AGMO: variants seen among roughly 807,000 people sequenced by gnomAD.
The protein encoded by AGMO is alkylglycerol monooxygenase, also known as glyceryl-ether monooxygenase.
A neutral mutation model predicts 60.2 loss-of-function variants in AGMO; 75 were observed. The observed-to-expected ratio is 1.25, with a 90% CI of 1.03 to 1.51. The LOEUF (loss-of-function observed/expected upper bound fraction) is 1.51, where lower values mean the gene tolerates loss of function less well. Ranked by LOEUF, AGMO falls within the 40% of genes most tolerant of loss-of-function variation. The pLI is 0.00. For synonymous variants in AGMO, 261 were observed against 177.1 expected, an observed-to-expected ratio of 1.47 and a Z score of -3.76; for missense variants, 763 against 525.5, an observed-to-expected ratio of 1.45 and a Z score of -4.42.
At chr7:15,405,993 G>C (rs865974489) in intron 5 of AGMO, among the ~76,000 whole-genome samples, 7 of 151,828 alleles carry the variant, frequency 4.6e-5, no homozygotes, top group Admixed American at 1.3e-4. Flanking sequence ...TTGTGTCTAA[G>C]AGCTTAAATT....
At chr7:15,188,302 G>A in the AGMO span, among the ~76,000 whole-genome samples, 2 of 152,178 alleles carry the variant, frequency 1.3e-5, no homozygotes, top group African/African-American at 4.8e-5. Context: ...GCCAAGAAAA[G>A]AGTATATTAC....
intron 12 of AGMO, among the ~76,000 whole-genome samples, chr7:15,342,295 G>C (rs188160878): frequency 3.3e-5 from 5 of 151,586 alleles, no homozygotes; most frequent in Non-Finnish European, 5.9e-5. Context: ...AGTAAAACCT[G>C]CAAGTGTGCA....
At chr7:15,419,084 T>C (rs28526445) in intron 4 of AGMO, among the ~76,000 whole-genome samples, 10,553 of 151,852 alleles carry the variant, frequency 0.069, 524 homozygotes, top group African/African-American at 0.14. Flanking sequence ...GAAATTATAA[T>C]AAAATAAATT....
At chr7:15,392,597 G>T (rs1308960938) in intron 6 of AGMO, among the ~76,000 whole-genome samples, 2 of 152,070 alleles carry the variant, frequency 1.3e-5, no homozygotes, top group African/African-American at 2.4e-5. Flanking sequence ...TCAGGAGTTT[G>T]AAACCAGCCT....
At chr7:15,474,475 G>A (rs761127654) in intron 3 of AGMO, among the ~76,000 whole-genome samples, 76 of 152,004 alleles carry the variant, frequency 5.0e-4, no homozygotes, top group Non-Finnish European at 8.2e-4. Context: ...AACTGGTGTC[G>A]GAAAAACTGG....
At chr7:15,239,364 G>C (rs1202755766) in intron 12 of AGMO, among the ~76,000 whole-genome samples, 1 of 152,132 alleles carries the variant, frequency 6.6e-6, no homozygotes, top group Non-Finnish European at 1.5e-5. Flanking sequence ...CAGATGGATT[G>C]ATTGGGAAGT....
chr7:15,410,350 A>G, intron 5 of AGMO, among the ~76,000 whole-genome samples: 1 of 151,940 alleles, frequency 6.6e-6, no homozygotes, highest in Non-Finnish European at 1.5e-5. Flanking sequence ...TGTCATATGT[A>G]ATAATCTGTA....
At chr7:15,517,931 C>A (rs1783864703) in intron 3 of AGMO, among the ~76,000 whole-genome samples, 1 of 152,204 alleles carries the variant, frequency 6.6e-6, no homozygotes, top group Non-Finnish European at 1.5e-5. Flanking sequence ...GTTTGAAATT[C>A]TCCCAGCCAG....
At chr7:15,271,805 G>C (rs1344908761) in intron 12 of AGMO, among the ~76,000 whole-genome samples, 1 of 152,122 alleles carries the variant, frequency 6.6e-6, no homozygotes, top group South Asian at 2.1e-4. Flanking sequence ...CTGTGGATAT[G>C]TCATATATGG....
intron 12 of AGMO, among the ~76,000 whole-genome samples, chr7:15,206,250 G>A (rs1781436854): frequency 6.6e-6 from 1 of 151,804 alleles, no homozygotes; most frequent in Non-Finnish European, 1.5e-5. Flanking sequence ...GATAATTATA[G>A]ATTTTTTTTC....
intron 3 of AGMO, among the ~76,000 whole-genome samples, chr7:15,439,161 G>A (rs1409746277): frequency 2.0e-5 from 3 of 152,142 alleles, no homozygotes; most frequent in Admixed American, 6.5e-5. Flanking sequence ...CACTTTGGGA[G>A]GCCAAGGTGG....
intron 12 of AGMO, chr7:15,358,428 A>G (rs1184775128): frequency 2.1e-6 from 1 of 471,166 alleles, no homozygotes; most frequent in Non-Finnish European, 4.4e-6. Context: ...CAGAGTTGGA[A>G]GACAAGTAGG....
chr7:15,377,892 C>G (rs765969562), intron 10 of AGMO, among the ~76,000 whole-genome samples: 1 of 151,900 alleles, frequency 6.6e-6, no homozygotes, highest in Non-Finnish European at 1.5e-5. Flanking sequence ...CACTGCCAAG[C>G]GTAATGTGGT....
At chr7:15,139,411 C>T in the AGMO span, among the ~76,000 whole-genome samples, 57,698 of 151,886 alleles carry the variant, frequency 0.38, 11,804 homozygotes, top group East Asian at 0.65. Flanking sequence ...GTTCGTTATA[C>T]AGGTAAACTC....
intron 3 of AGMO, among the ~76,000 whole-genome samples, chr7:15,455,572 T>G (rs2128506970): frequency 6.6e-6 from 1 of 152,274 alleles, no homozygotes; most frequent in Admixed American, 6.5e-5. Context: ...CTCCTTGTCT[T>G]GCTAAATATT....
At position 15,519,859 on chromosome 7, in the gene AGMO, G is replaced by A. The variant is rs1451851744; in HGVS notation, c.409+24913C>T. On this transcript the variant is annotated intron_variant, in intron 3 of 12. Transcript: ENST00000342526. ...ATGCCCCAATTAAAAGACACAGACTGGCAAATTGGAGAAAGAGTCAAGGCC... is the reference window on the plus strand; with the variant it reads ...ATGCCCCAATTAAAAGACACAGACTAGCAAATTGGAGAAAGAGTCAAGGCC... Among the ~76,000 whole-genome samples, 3 of 151,908 alleles carry A rather than the reference G, an allele frequency of 2.0e-5. No individual in the cohort carries two copies. In the East Asian group the frequency reaches 5.8e-4, roughly 29 times the overall value.
At chr7:15,362,359 C>G (rs915617027) in intron 12 of AGMO, among the ~76,000 whole-genome samples, 4 of 152,132 alleles carry the variant, frequency 2.6e-5, no homozygotes, top group Admixed American at 1.3e-4. Flanking sequence ...TTTATCCAGT[C>G]TTACGTTGCC....
intron 5 of AGMO, among the ~76,000 whole-genome samples, chr7:15,415,708 T>C (rs10263571): frequency 0.097 from 14,772 of 152,212 alleles, 849 homozygotes; most frequent in South Asian, 0.15. Flanking sequence ...TATCATTATA[T>C]GATTGCTAGT....
chr7:15,482,193 A>T (rs1185229462), intron 3 of AGMO, among the ~76,000 whole-genome samples: 1 of 152,084 alleles, frequency 6.6e-6, no homozygotes, highest in African/African-American at 2.4e-5. Context: ...AACAGGAAAC[A>T]AATGTGTGGT....
Sources: gnomAD v4.1 joint callset for allele counts (sites outside exome capture counted in the v4.1 genomes callset) on GRCh38, gnomAD v4.1.1 for gene constraint, MANE v1.5 for transcripts, NCBI Gene and HGNC (gene_info 2026-07-23, HGNC 2026-07-21) for gene names.